Variants in PCSK5 observed in about 807,000 individuals in gnomAD.
PCSK5 encodes the protein prohormone convertase 5.
A neutral mutation model predicts 233.2 loss-of-function variants in PCSK5; 129 were observed. The ratio of observed to expected loss-of-function variants is 0.55; its 90% CI spans 0.48 to 0.64. The LOEUF (loss-of-function observed/expected upper bound fraction) is 0.64, where lower values mean the gene tolerates loss of function less well. PCSK5 is among the 30% of genes least tolerant of loss of function. PCSK5 has a pLI of 0.00. For synonymous variants in PCSK5, 825 were observed against 879.2 expected (o/e 0.94, Z 1.09); for missense variants, 2,076 against 2,430.1 (o/e 0.85, Z 3.06).
At chr9:76,091,416 T>C (rs1831284419) in intron 7 of PCSK5, among the ~76,000 whole-genome samples, 2 of 152,194 alleles carry the variant, frequency 1.3e-5, no homozygotes, top group African/African-American at 4.8e-5. Context: ...CCCACACTTA[T>C]GACCTCATTT....
Position 76,323,988 on chromosome 9 carries a change from C to T in PCSK5, c.4339+700C>T, listed in dbSNP as rs550686081. Among the ~76,000 whole-genome samples, 100 of 146,434 alleles carry T rather than the reference C, an allele frequency of 6.8e-4. No homozygotes were observed. In the South Asian group the frequency reaches 0.019, roughly 28 times the overall value. ...CTCTGTTGGCTAGAGTGCGGTGGCA[C>T]GATCTTGGCTTACTATAACCTCTGC... On this transcript the variant is annotated intron_variant, in intron 32 of 37. Transcript: ENST00000674117.
At chr9:76,202,902 A>G (rs1312677012) in intron 20 of PCSK5, among the ~76,000 whole-genome samples, 1 of 152,218 alleles carries the variant, frequency 6.6e-6, no homozygotes, top group East Asian at 1.9e-4. Flanking sequence ...TATGTCGTGA[A>G]CCTGGTAAAA....
intron 4 of PCSK5, among the ~76,000 whole-genome samples, chr9:76,025,562 C>G (rs1234456457): frequency 2.6e-5 from 4 of 152,078 alleles, no homozygotes; most frequent in African/African-American, 4.8e-5. Context: ...GTTGAGTCAC[C>G]ATTTTACCCC....
At position 76,241,819 on chromosome 9, in the gene PCSK5, A is replaced by G. The variant is rs562631729; in HGVS notation, c.3142+1135A>G. Among the ~76,000 whole-genome samples, 8 of 152,326 alleles carry G rather than the reference A, an allele frequency of 5.3e-5. No homozygotes were observed. In the East Asian group the frequency reaches 9.7e-4, roughly 18 times the overall value. ...AAAGTTCATGGAATAATTTGTCTTC[A>G]TGGAACTTCCATGAAGCCCTGGGAT... On this transcript the variant is annotated intron_variant, in intron 24 of 37. Coordinates refer to ENST00000674117, the MANE Select transcript of PCSK5 (RefSeq NM_001372043.1).
intron 1 of PCSK5, among the ~76,000 whole-genome samples, chr9:75,928,592 AATAC>A (rs1564087906): frequency 1.3e-5 from 1 of 75,292 alleles, no homozygotes; most frequent in Middle Eastern, 8.8e-3. Context: ...TTTACATATA[AATAC>A]ATATATATAT....
At chr9:76,316,034 A>G (rs1829020002) in intron 30 of PCSK5, among the ~76,000 whole-genome samples, 1 of 149,436 alleles carries the variant, frequency 6.7e-6, no homozygotes, top group Non-Finnish European at 1.5e-5. Context: ...TCTGAAAAAG[A>G]TTTATTCGTG....
chr9:76,205,903 G>C (rs916420558), intron 20 of PCSK5, among the ~76,000 whole-genome samples: 1 of 152,142 alleles, frequency 6.6e-6, no homozygotes, highest in African/African-American at 2.4e-5. Context: ...GGCAAGTTTG[G>C]AAATATGCTT....
intron 21 of PCSK5, among the ~76,000 whole-genome samples, chr9:76,232,332 G>A (rs756860561): frequency 7.2e-5 from 11 of 152,300 alleles, no homozygotes; most frequent in Non-Finnish European, 1.2e-4. Context: ...GGGAGCTTGC[G>A]TATGCTATGT....
At chr9:76,264,644 A>G (rs1827279673) in intron 24 of PCSK5, among the ~76,000 whole-genome samples, 1 of 152,210 alleles carries the variant, frequency 6.6e-6, no homozygotes. Context: ...CAAGCAGACA[A>G]CAAACATGAA....
chr9:76,151,414 T>G (rs1823667202), intron 10 of PCSK5, among the ~76,000 whole-genome samples: 2 of 152,190 alleles, frequency 1.3e-5, no homozygotes, highest in South Asian at 2.1e-4. Flanking sequence ...CAATCATGGT[T>G]GTCTTTGAGT....
intron 30 of PCSK5, among the ~76,000 whole-genome samples, chr9:76,318,978 A>C (rs1267506677): frequency 6.6e-6 from 1 of 152,226 alleles, no homozygotes; most frequent in East Asian, 1.9e-4. Flanking sequence ...AAACCAATCA[A>C]ATTCACAAGA....
At chr9:76,035,520 G>A (rs985392719) in intron 5 of PCSK5, among the ~76,000 whole-genome samples, 1 of 152,056 alleles carries the variant, frequency 6.6e-6, no homozygotes, top group South Asian at 2.1e-4. Context: ...TGATGTTATA[G>A]GTTCAAATGA....
chr9:76,002,486 G>A (rs754625174), intron 3 of PCSK5, among the ~76,000 whole-genome samples: 38 of 152,118 alleles, frequency 2.5e-4, no homozygotes, highest in Non-Finnish European at 5.1e-4. Flanking sequence ...ATCTCCAAAC[G>A]AAAATCATAC....
chr9:76,352,395 C>T (rs748719131), intron 36 of PCSK5, among the ~76,000 whole-genome samples: 3 of 152,174 alleles, frequency 2.0e-5, no homozygotes, highest in Non-Finnish European at 2.9e-5. Context: ...CTTGTGCCAA[C>T]CTCCTATCTC....
At chr9:76,276,797 C>T (rs758541702) in intron 24 of PCSK5, among the ~76,000 whole-genome samples, 14 of 152,314 alleles carry the variant, frequency 9.2e-5, no homozygotes, top group South Asian at 2.1e-4. Flanking sequence ...ATTTCTGGAG[C>T]ATCTGCTATA....
At chr9:76,335,013 G>A (rs1484082162) in intron 34 of PCSK5, among the ~76,000 whole-genome samples, 1 of 152,156 alleles carries the variant, frequency 6.6e-6, no homozygotes. Flanking sequence ...TGGAGGTGAA[G>A]GTTTCAGTGA....
At chr9:76,119,790 A>T (rs548076261) in intron 9 of PCSK5, among the ~76,000 whole-genome samples, 15 of 152,194 alleles carry the variant, frequency 9.9e-5, no homozygotes, top group African/African-American at 3.6e-4. Context: ...TTAAGTTACA[A>T]ATAATCCAAT....
At chr9:76,295,126 C>G (rs976100689) in intron 25 of PCSK5, 149 bp from the exon 26 acceptor site, 1 of 649,430 alleles carries the variant, frequency 1.5e-6, no homozygotes, top group Non-Finnish European at 2.6e-6. Flanking sequence ...GCACTCCAGC[C>G]TGGGCGACAA....
Position 76,358,678 on chromosome 9 carries a change from A to G in PCSK5, c.5420A>G (p.Glu1807Gly). ...RVQPAAKAGY[E>G]KLADPNKSYS... ...CAGCCAGCAGCAAAGGCCGGCTATGAAAAACTGGCCGACCCCAACAAGTCT... is the reference window on the plus strand; with the variant it reads ...CAGCCAGCAGCAAAGGCCGGCTATGGAAAACTGGCCGACCCCAACAAGTCT... Residue 1807 changes from glutamate (E) to glycine (G), a missense_variant, in exon 38 of 38, where the codon GAA (glutamate) becomes GGA (glycine). Glu to Gly is a moderately conservative substitution (Grantham distance 98). Coordinates refer to ENST00000674117, the MANE Select transcript of PCSK5 (RefSeq NM_001372043.1). The G allele has an allele frequency of 1.2e-6, 2 of 1,612,854 alleles. No individual in the cohort carries two copies. Among genetic ancestry groups the G allele is most frequent in the Middle Eastern group, 1.6e-4 (1 of 6,062 alleles).
Sources: gnomAD v4.1 joint callset for allele counts (sites outside exome capture counted in the v4.1 genomes callset) on GRCh38, gnomAD v4.1.1 for gene constraint, MANE v1.5 for transcripts, NCBI Gene and HGNC (gene_info 2026-07-23, HGNC 2026-07-21) for gene names.